The following ANK2 variants were observed in gnomAD, a reference collection of about 807,000 sequenced individuals.
The protein encoded by ANK2 is ankyrin 2.
In ANK2, 83 loss-of-function variants were observed where a neutral mutation model predicts 360.5. The observed-to-expected ratio is 0.23, with a 90% CI of 0.19 to 0.28. The LOEUF (loss-of-function observed/expected upper bound fraction) is 0.28, where lower values mean the gene tolerates loss of function less well. Ranked by LOEUF, ANK2 falls within the 10% of genes least tolerant of loss-of-function variation. The pLI, the probability that ANK2 is intolerant of heterozygous loss-of-function variation, is 1.00. For synonymous variants in ANK2, 1,740 were observed against 1,759.5 expected, an observed-to-expected ratio of 0.99 and a Z score of 0.28; for missense variants, 4,201 against 4,795.7, an observed-to-expected ratio of 0.88 and a Z score of 3.66.
At chr4:113,097,698 G>T (rs1173134317) in intron 1 of ANK2, among the ~76,000 whole-genome samples, 2 of 151,796 alleles carry the variant, frequency 1.3e-5, no homozygotes, top group Non-Finnish European at 2.9e-5. Context: ...AGGCCCAGAT[G>T]TAGGGAAATC....
At chr4:112,991,136 A>G (rs1165318821) in intron 2 of ANK2, among the ~76,000 whole-genome samples, 1 of 151,252 alleles carries the variant, frequency 6.6e-6, no homozygotes, top group Non-Finnish European at 1.5e-5. Context: ...CTGTAGTCCC[A>G]GCTCCTCGGG....
intron 1 of ANK2, among the ~76,000 whole-genome samples, chr4:113,142,838 C>A (rs1582895955): frequency 6.6e-6 from 1 of 151,808 alleles, no homozygotes; most frequent in Non-Finnish European, 1.5e-5. Flanking sequence ...GTGGTTTTTT[C>A]GTTCTTAACA....
intron 2 of ANK2, among the ~76,000 whole-genome samples, chr4:113,195,401 A>G (rs557570230): frequency 1.3e-5 from 2 of 152,242 alleles, no homozygotes; most frequent in Admixed American, 1.3e-4. Flanking sequence ...TTCTATAACA[A>G]TCTACATAAT....
chr4:112,992,894 G>GTAT (rs2047300073), intron 2 of ANK2, among the ~76,000 whole-genome samples: 1 of 152,186 alleles, frequency 6.6e-6, no homozygotes, highest in Admixed American at 6.5e-5. Flanking sequence ...TTAAAATGTT[G>GTAT]TATCTATAAT....
intron 4 of ANK2, among the ~76,000 whole-genome samples, chr4:113,229,840 C>T (rs1401277142): frequency 6.6e-6 from 1 of 152,212 alleles, no homozygotes; most frequent in African/African-American, 2.4e-5. Flanking sequence ...CTGGCGACCT[C>T]TGCCTGATTC....
chr4:113,326,568 A>G (rs903710146), intron 26 of ANK2, among the ~76,000 whole-genome samples: 1 of 150,670 alleles, frequency 6.6e-6, no homozygotes, highest in East Asian at 1.9e-4. Context: ...TTCTTTCTTG[A>G]CATCTTTCTG....
intron 2 of ANK2, among the ~76,000 whole-genome samples, chr4:112,915,517 G>C (rs1214658908): frequency 6.6e-6 from 1 of 152,186 alleles, no homozygotes; most frequent in South Asian, 2.1e-4. Flanking sequence ...TTGGGAGGCC[G>C]AGTTGGGTGG....
rs76992886 is a variant in ANK2 at position 113,228,277 on chromosome 4, C to T, written c.385-3884C>T. On this transcript the variant is annotated intron_variant, in intron 4 of 45. Transcript: ENST00000357077. ...GGTGGTGATTTCTAAGATTCTGGTG[C>T]ACCCATCACCCGGGCAGTATACACT... Among the ~76,000 whole-genome samples, 145 of 152,208 alleles carry T rather than the reference C, an allele frequency of 9.5e-4. 1 individual carries two copies. Among genetic ancestry groups the T allele is most frequent in the Non-Finnish European group, 2.8e-4 (19 of 67,998 alleles).
chr4:112,774,615 A>G, the ANK2 span, among the ~76,000 whole-genome samples: 2 of 152,228 alleles, frequency 1.3e-5, no homozygotes, highest in African/African-American at 2.4e-5. Context: ...AGACATTGCC[A>G]TGGGCAGCAG....
intron 2 of ANK2, among the ~76,000 whole-genome samples, chr4:112,942,790 A>ATATT (rs2154247780): frequency 6.6e-6 from 1 of 152,148 alleles, no homozygotes; most frequent in East Asian, 1.9e-4. Flanking sequence ...CTTTAGTCTT[A>ATATT]TATTTATTTC....
chr4:113,084,643 A>G (rs763228475), intron 1 of ANK2, among the ~76,000 whole-genome samples: 13 of 152,154 alleles, frequency 8.5e-5, no homozygotes, highest in Non-Finnish European at 1.9e-4. Context: ...AAGGGGAGAA[A>G]CTATTTTTTA....
In ANK2 at chr4:113,354,185, C is replaced by T. The variant is rs751745297; in HGVS notation, c.5567C>T (p.Pro1856Leu). The T allele has an allele frequency of 2.5e-6, 4 of 1,614,050 alleles. No individual in the cohort carries two copies. In the East Asian group the frequency reaches 8.9e-5, roughly 36 times the overall value. Residue 1856 changes from proline (P) to leucine (L), a missense_variant, in exon 38 of 46, where the codon CCT becomes CTT. Coordinates refer to ENST00000357077, the MANE Select transcript of ANK2 (RefSeq NM_001148.6). The stretch of plus-strand genomic sequence containing the variant: ...TCAAGTAAAACTGAGAAACACTCAC[C>T]TGTGTCACCCTCTGCAAAAACGGAA... ...SPSSKTEKHS[P>L]VSPSAKTERH...
Position 113,315,896 on chromosome 4 carries a change from CAAAAAAAAAAA to C in ANK2, c.2694-1796_2694-1786del, listed in dbSNP as rs70961811. 1.6e-4 allele frequency among the ~76,000 whole-genome samples: 8 copies of C among 49,318 alleles called. No individual in the cohort carries two copies. In the Admixed American group the frequency reaches 1.7e-3, roughly 10 times the overall value. 32.4% of individuals were successfully genotyped at this position (49,318 alleles called of 152,430 possible). On this transcript the variant is annotated intron_variant, in intron 24 of 45. Transcript: ENST00000357077. Reference sequence around the variant, plus strand: ...TGGGTGACAGAGCGAGACTCCGTCTCAAAAAAAAAAAAAAAAAAAAAAAAAGAATTGCTGAT... The same window carrying C: ...TGGGTGACAGAGCGAGACTCCGTCTCAAAAAAAAAAAAAAGAATTGCTGAT...
intron 1 of ANK2, among the ~76,000 whole-genome samples, chr4:113,097,738 A>C (rs1409436381): frequency 6.6e-6 from 1 of 151,654 alleles, no homozygotes; most frequent in Non-Finnish European, 1.5e-5. Context: ...AGCACTATTA[A>C]TTATTTTAGC....
chr4:113,047,262 A>G (rs906395186), upstream of ANK2, among the ~76,000 whole-genome samples: 16 of 152,324 alleles, frequency 1.1e-4, no homozygotes, highest in African/African-American at 3.6e-4. Flanking sequence ...TAAGCACAGT[A>G]ACATGTGTCT....
At chr4:112,867,536 C>CTGTTAGCA (rs1157692805) in intron 1 of ANK2, among the ~76,000 whole-genome samples, 2 of 152,048 alleles carry the variant, frequency 1.3e-5, no homozygotes. Context: ...AAAAGAAACT[C>CTGTTAGCA]TGTTAGCAGT....
intron 1 of ANK2, among the ~76,000 whole-genome samples, chr4:113,076,853 G>A (rs570415017): frequency 6.2e-4 from 94 of 151,402 alleles, no homozygotes; most frequent in Non-Finnish European, 1.1e-3. Context: ...CAATGCATTA[G>A]ATTTGATTAG....
rs2095644980 is a variant in ANK2, at chr4:113,354,792, A to C, written c.6174A>C (p.Val2058=). ...TCAAACGAGGCCAGAGACTCCCGGT[A>C]ACGGGCACAGCAGAATCCAAAAGAG... ...QTIKRGQRLP[V]TGTAESKRGV... Residue 2058 remains valine (V), a synonymous_variant, in exon 38 of 46, where the codon GTA becomes GTC. Transcript: ENST00000357077. 6.2e-7 allele frequency: 1 copy of C among 1,614,014 alleles called. No individual in the cohort carries two copies. Among genetic ancestry groups the C allele is most frequent in the Admixed American group, 1.7e-5 (1 of 59,998 alleles).
chr4:113,283,318 C>T (rs528128785), intron 18 of ANK2, among the ~76,000 whole-genome samples: 3 of 152,286 alleles, frequency 2.0e-5, no homozygotes, highest in African/African-American at 7.2e-5. Context: ...GGCCGATGTT[C>T]ACCACCCAAG....
Sources: gnomAD v4.1 joint callset for allele counts (sites outside exome capture counted in the v4.1 genomes callset) on GRCh38, gnomAD v4.1.1 for gene constraint, MANE v1.5 for transcripts, NCBI Gene and HGNC (gene_info 2026-07-23, HGNC 2026-07-21) for gene names.